Variants in DRC8 observed in about 807,000 individuals in gnomAD.
DRC8 encodes the protein dynein regulatory complex protein 8.
chr1:245,087,412 T>C, the DRC8 span: 1 of 1,538,022 alleles, frequency 6.5e-7, no homozygotes, highest in East Asian at 2.3e-5. Flanking sequence ...AATTGCTTGT[T>C]CTTGTTAATT....
chr1:244,994,304 A>C, the DRC8 span, among the ~76,000 whole-genome samples: 4 of 152,124 alleles, frequency 2.6e-5, no homozygotes, highest in Non-Finnish European at 4.4e-5. Context: ...TTCCTTTTAA[A>C]ATTTTTCATA....
At chr1:245,059,287 G>T in the DRC8 span, 1 of 775,194 alleles carries the variant, frequency 1.3e-6, no homozygotes, top group Non-Finnish European at 2.1e-6. Context: ...GGAGTGATTT[G>T]GTTTCCTACA....
At chr1:245,120,645 A>T in the DRC8 span, among the ~76,000 whole-genome samples, 1 of 152,058 alleles carries the variant, frequency 6.6e-6, no homozygotes, top group African/African-American at 2.4e-5. Flanking sequence ...TTTTTCAAAC[A>T]TTTTATTTTG....
the DRC8 span, among the ~76,000 whole-genome samples, chr1:245,024,805 A>C: frequency 4.6e-5 from 7 of 152,050 alleles, no homozygotes; most frequent in Non-Finnish European, 7.4e-5. Context: ...TGGCCTCCCA[A>C]AGTGCTGGGA....
chr1:245,054,326 A>G, the DRC8 span, among the ~76,000 whole-genome samples: 2 of 151,972 alleles, frequency 1.3e-5, no homozygotes, highest in African/African-American at 2.4e-5. Flanking sequence ...AGCTGGGACT[A>G]CCGGCATCTG....
chr1:245,020,613 CTTTTTTTT>C, the DRC8 span, among the ~76,000 whole-genome samples: 19 of 59,714 alleles, frequency 3.2e-4, no homozygotes, highest in African/African-American at 1.1e-3. Context: ...GTTTTTCTTT[CTTTTTTTT>C]TTTTTTTTTT....
chr1:245,014,640 G>T, the DRC8 span, among the ~76,000 whole-genome samples: 1 of 151,998 alleles, frequency 6.6e-6, no homozygotes, highest in African/African-American at 2.4e-5. Flanking sequence ...ACTAACAGGT[G>T]GGATGGGGTG....
chr1:244,993,781 C>T, the DRC8 span, among the ~76,000 whole-genome samples: 244 of 152,270 alleles, frequency 1.6e-3, 2 homozygotes, highest in African/African-American at 5.7e-3. Flanking sequence ...TGAACTCATT[C>T]TTGTTAAGGA....
At chr1:245,015,965 C>CCT in the DRC8 span, among the ~76,000 whole-genome samples, 1 of 57,192 alleles carries the variant, frequency 1.7e-5, no homozygotes, top group East Asian at 6.9e-4. Context: ...GCCTACAGGG[C>CCT]TTTTTTTTTT....
At chr1:245,082,224 T>A in the DRC8 span, 1 of 1,446,984 alleles carries the variant, frequency 6.9e-7, no homozygotes, top group South Asian at 1.2e-5. Context: ...TCCATTCATT[T>A]CAGGACGCTT....
the DRC8 span, among the ~76,000 whole-genome samples, chr1:244,995,089 G>A: frequency 3.9e-5 from 6 of 151,978 alleles, no homozygotes; most frequent in East Asian, 3.9e-4. Context: ...TCGGCCGGGC[G>A]CGGTGGCTCA....
the DRC8 span, among the ~76,000 whole-genome samples, chr1:245,101,091 G>T: frequency 1.3e-3 from 200 of 152,144 alleles, no homozygotes; most frequent in Middle Eastern, 6.8e-3. Flanking sequence ...CACCATGTTG[G>T]CCAGGCTGGT....
At chr1:244,978,491 C>CA in the DRC8 span, among the ~76,000 whole-genome samples, 75,168 of 129,632 alleles carry the variant, frequency 0.58, 21,719 homozygotes, top group East Asian at 0.74. Context: ...AACTCCGTCT[C>CA]AAAAAAAAAA....
chr1:245,097,210 T>G, the DRC8 span, among the ~76,000 whole-genome samples: 25 of 152,188 alleles, frequency 1.6e-4, no homozygotes, highest in Admixed American at 1.4e-3. This position sits in a 1 kb window ranked among gnomAD's most constrained non-coding sequence, Gnocchi z 5.0. Flanking sequence ...ATTAGTGATA[T>G]TCTATGCTAG....
chr1:245,061,175 A>G, the DRC8 span, among the ~76,000 whole-genome samples: 1 of 152,254 alleles, frequency 6.6e-6, no homozygotes. Flanking sequence ...TAATCCTTCA[A>G]AGCTTCGTTT....
At chr1:244,975,473 TG>T in the DRC8 span, among the ~76,000 whole-genome samples, 2 of 152,234 alleles carry the variant, frequency 1.3e-5, no homozygotes, top group Non-Finnish European at 2.9e-5. Flanking sequence ...AGATGTAAAG[TG>T]GGGATAATTA....
chr1:245,002,361 T>G, the DRC8 span: 1 of 720,360 alleles, frequency 1.4e-6, no homozygotes, highest in South Asian at 1.8e-5. Context: ...CTCCCTACTC[T>G]ATAAATCTTC....
the DRC8 span, among the ~76,000 whole-genome samples, chr1:245,102,616 C>T: frequency 6.6e-6 from 1 of 152,236 alleles, no homozygotes; most frequent in African/African-American, 2.4e-5. Context: ...TCCCAAAGTG[C>T]TGGGATTACA....
At chr1:245,070,399 A>G in the DRC8 span, among the ~76,000 whole-genome samples, 102 of 152,364 alleles carry the variant, frequency 6.7e-4, 1 homozygote, top group African/African-American at 2.0e-3. Context: ...ATCCTGCATG[A>G]TAAACATTAT....
Sources: gnomAD v4.1 joint callset for allele counts (sites outside exome capture counted in the v4.1 genomes callset) on GRCh38, gnomAD v4.1.1 for gene constraint, Gnocchi (gnomAD v3.1) non-coding constraint, MANE v1.5 for transcripts, NCBI Gene and HGNC (gene_info 2026-07-23, HGNC 2026-07-21) for gene names.